The following PCDHA4 variants were observed in gnomAD, a reference collection of about 807,000 sequenced individuals.
The protein encoded by PCDHA4 is protocadherin alpha-4.
In PCDHA4, 49 loss-of-function variants were observed where a neutral mutation model predicts 61.4. The ratio of observed to expected loss-of-function variants is 0.80; its 90% CI spans 0.63 to 1.01. PCDHA4 has a LOEUF of 1.01. Among genes scored for constraint, PCDHA4 ranks in the 50% least tolerant of loss-of-function variants. The probability of loss-of-function intolerance (pLI) is 0.00; values close to 1 mark genes in which losing one functional copy is unlikely to be tolerated. For synonymous variants in PCDHA4, 590 were observed against 550.3 expected (o/e 1.07, Z -1.01); for missense variants, 1,254 against 1,235.8 (o/e 1.01, Z -0.22).
chr5:140,863,266 G>T, intron 1 of PCDHA4: 2 of 1,458,576 alleles, frequency 1.4e-6, no homozygotes, highest in Non-Finnish European at 1.9e-6. Context: ...CCGGGAGGCA[G>T]CGCTGGTGGA....
At chr5:140,949,745 T>C (rs114918785) in intron 1 of PCDHA4, among the ~76,000 whole-genome samples, 49 of 152,020 alleles carry the variant, frequency 3.2e-4, no homozygotes, top group African/African-American at 1.1e-3. Context: ...ACTGAAGTGC[T>C]TAGCCCATTC....
In PCDHA4 at chr5:140,828,051, C is replaced by T. The variant is rs2150150373; in HGVS notation, c.2385+18479C>T. On this transcript the variant is annotated intron_variant, in intron 1 of 3. Transcript: ENST00000530339. The stretch of plus-strand genomic sequence containing the variant: ...GAACATACAGTATTTTATCTTTATG[C>T]GGAAGATCTTCTAATGGAAATAAAA... The T allele has an allele frequency of 2.6e-6, 4 of 1,545,274 alleles. No individual in the cohort carries two copies. In the South Asian group the frequency reaches 3.8e-5, roughly 15 times the overall value.
At chr5:140,927,596 G>C in intron 1 of PCDHA4, 3 of 1,614,162 alleles carry the variant, frequency 1.9e-6, no homozygotes, top group Non-Finnish European at 2.5e-6. Flanking sequence ...GTATTTGAGC[G>C]CTCCGTATAC....
At chr5:140,829,237 C>A (rs782289656) in intron 1 of PCDHA4, 1 of 1,614,266 alleles carries the variant, frequency 6.2e-7, no homozygotes, top group Non-Finnish European at 8.5e-7. Flanking sequence ...CAGGTGCCAA[C>A]GGGCAGGTGA....
intron 1 of PCDHA4, chr5:140,858,052 T>C (rs1281058907): frequency 2.5e-6 from 4 of 1,597,036 alleles, no homozygotes; most frequent in African/African-American, 1.3e-5. Flanking sequence ...TTGTGTCGCT[T>C]GTGGAGGGCA....
intron 1 of PCDHA4, chr5:140,852,662 C>T: frequency 1.0e-6 from 1 of 963,512 alleles, no homozygotes; most frequent in Non-Finnish European, 1.3e-6. Context: ...ATCTGTCTAT[C>T]AGCACAACTC....
At chr5:140,926,728 T>G in intron 1 of PCDHA4, 4 of 1,061,710 alleles carry the variant, frequency 3.8e-6, no homozygotes, top group Non-Finnish European at 5.0e-6. Flanking sequence ...AATGCCGGCG[T>G]TCGGGAGGCG....
At chr5:140,906,278 C>A (rs546102354) in intron 1 of PCDHA4, among the ~76,000 whole-genome samples, 1 of 152,152 alleles carries the variant, frequency 6.6e-6, no homozygotes, top group Admixed American at 6.6e-5. Flanking sequence ...AGATAATCTT[C>A]AAATTAAGAC....
intron 1 of PCDHA4, among the ~76,000 whole-genome samples, chr5:140,916,543 G>A (rs1554197499): frequency 6.6e-6 from 1 of 152,152 alleles, no homozygotes; most frequent in Non-Finnish European, 1.5e-5. Context: ...AAGGCAATGG[G>A]TTTTCTATTT....
chr5:140,993,372 A>T (rs2097552472), intron 3 of PCDHA4, among the ~76,000 whole-genome samples: 1 of 151,976 alleles, frequency 6.6e-6, no homozygotes, highest in South Asian at 2.1e-4. Context: ...ACTACCTCCC[A>T]GCCGGGTCCC....
chr5:140,912,533 A>G (rs570012858), intron 1 of PCDHA4, among the ~76,000 whole-genome samples: 1 of 152,224 alleles, frequency 6.6e-6, no homozygotes, highest in African/African-American at 2.4e-5. Flanking sequence ...AGAGTACATG[A>G]TCATATTGTC....
intron 1 of PCDHA4, among the ~76,000 whole-genome samples, chr5:140,918,402 T>C (rs906018367): frequency 1.3e-5 from 2 of 152,212 alleles, no homozygotes; most frequent in African/African-American, 4.8e-5. Flanking sequence ...GCCTGATTTC[T>C]CTGGCCAGGA....
chr5:140,877,090 G>T lies in PCDHA4; in HGVS notation c.2385+67518G>T, dbSNP rs201209762. ...GCAGTTCCAGGTGAGCGCGCGCGAC[G>T]CCGGCGTGCCGCCTCTGGGCAGCAA... is the stretch of plus-strand genomic sequence containing the variant. On this transcript the variant is annotated intron_variant, in intron 1 of 3. Coordinates refer to ENST00000530339, the MANE Select transcript of PCDHA4 (RefSeq NM_018907.4). 4,655 of 1,613,184 alleles carry T rather than the reference G, an allele frequency of 2.9e-3. 21 individuals are homozygous for T. Among genetic ancestry groups the T allele is most frequent in the African/African-American group, 0.01 (785 of 75,036 alleles).
chr5:140,974,636 C>T (rs1208653634), intron 1 of PCDHA4, among the ~76,000 whole-genome samples: 2 of 152,054 alleles, frequency 1.3e-5, no homozygotes, highest in African/African-American at 4.8e-5. Flanking sequence ...CTCAACCTCC[C>T]GAGTAGCTGA....
At chr5:140,935,363 C>T (rs1005942314) in intron 1 of PCDHA4, among the ~76,000 whole-genome samples, 3 of 152,180 alleles carry the variant, frequency 2.0e-5, no homozygotes, top group African/African-American at 7.2e-5. Flanking sequence ...TTTTCATTAA[C>T]GTCAACAGAA....
chr5:140,921,051 C>T (rs2079992855), intron 1 of PCDHA4, among the ~76,000 whole-genome samples: 1 of 151,910 alleles, frequency 6.6e-6, no homozygotes, highest in Non-Finnish European at 1.5e-5. Context: ...GCAATCATAG[C>T]TCACTCTAAC....
At chr5:140,927,989 A>T (rs2084847354) in intron 1 of PCDHA4, 1 of 1,614,208 alleles carries the variant, frequency 6.2e-7, no homozygotes, top group African/African-American at 1.3e-5. Flanking sequence ...AGTGTAAAGG[A>T]TGAAGACCTC....
At chr5:140,835,228 C>G (rs1260478265) in intron 1 of PCDHA4, 2 of 1,593,870 alleles carry the variant, frequency 1.3e-6, no homozygotes, top group African/African-American at 2.8e-5. Context: ...TACTCCTTCT[C>G]CAGTGATGTT....
At chr5:140,832,791 A>G (rs2150204193) in intron 1 of PCDHA4, among the ~76,000 whole-genome samples, 2 of 152,336 alleles carry the variant, frequency 1.3e-5, no homozygotes, top group South Asian at 4.1e-4. Context: ...AAGGTACATC[A>G]TAGTGTTATT....
Sources: gnomAD v4.1 joint callset for allele counts (sites outside exome capture counted in the v4.1 genomes callset) on GRCh38, gnomAD v4.1.1 for gene constraint, MANE v1.5 for transcripts, NCBI Gene and HGNC (gene_info 2026-07-23, HGNC 2026-07-21) for gene names.